Variants in XPO1 observed in about 807,000 individuals in gnomAD.
XPO1 encodes exportin-1.
In XPO1, 5 loss-of-function variants were observed where a neutral mutation model predicts 133.3. The ratio of observed to expected loss-of-function variants is 0.04; its 90% CI spans 0.02 to 0.08. The LOEUF (loss-of-function observed/expected upper bound fraction) is 0.08, where lower values mean the gene tolerates loss of function less well. Ranked by LOEUF, XPO1 falls within the 10% of genes least tolerant of loss-of-function variation. The probability of loss-of-function intolerance (pLI) is 1.00; values close to 1 mark genes in which losing one functional copy is unlikely to be tolerated. For missense variants in XPO1, 506 were observed against 1,267.5 expected (o/e 0.40, Z 9.12); for synonymous variants, 419 against 408.2 (o/e 1.03, Z -0.32).
At chr2:61,493,290 A>T (rs1300924722) in intron 12 of XPO1, 1 of 363,292 alleles carries the variant, frequency 2.8e-6, no homozygotes, top group African/African-American at 2.1e-5. Flanking sequence ...AACAATAAAA[A>T]TACTGGGGCT....
At chr2:61,484,473 A>T (rs1696574254) in intron 20 of XPO1, 1 of 178,782 alleles carries the variant, frequency 5.6e-6, no homozygotes, top group South Asian at 1.3e-4. Context: ...CGTATCTTTT[A>T]TCTCTTTTTT....
chr2:61,517,295 T>A (rs1341353208), intron 4 of XPO1, among the ~76,000 whole-genome samples: 4 of 152,158 alleles, frequency 2.6e-5, no homozygotes, highest in Non-Finnish European at 5.9e-5. Flanking sequence ...CCTTTAAGAC[T>A]TCAGTGATGG....
chr2:61,504,399 G>T (rs1697695376), intron 4 of XPO1, among the ~76,000 whole-genome samples: 1 of 152,130 alleles, frequency 6.6e-6, no homozygotes, highest in Non-Finnish European at 1.5e-5. Context: ...CACCTATATT[G>T]AAACACTAAA....
At chr2:61,494,168 T>G in intron 11 of XPO1, 77 bp from the exon 12 acceptor site, 1 of 1,290,286 alleles carries the variant, frequency 7.8e-7, no homozygotes, top group Non-Finnish European at 1.1e-6. Context: ...TGTTACACCT[T>G]AAGGGAAAAT....
chr2:61,536,000 T>C (rs1414935210), intron 1 of XPO1, among the ~76,000 whole-genome samples: 1 of 152,204 alleles, frequency 6.6e-6, no homozygotes, highest in African/African-American at 2.4e-5. Flanking sequence ...TGAACAAACT[T>C]TTCACCTATT....
At position 61,511,762 on chromosome 2, in the gene XPO1, CT is replaced by C. The variant is rs556975972; in HGVS notation, c.302-9453del. 1.3e-4 allele frequency among the ~76,000 whole-genome samples: 19 copies of C among 151,238 alleles called. No homozygotes were observed. In the South Asian group the frequency reaches 3.8e-3, roughly 30 times the overall value. On this transcript the variant is annotated intron_variant, in intron 4 of 24. Transcript: ENST00000401558. The stretch of plus-strand genomic sequence containing the variant: ...GCTTACAGATATTTCTTTTTCTTTT[CT>C]TTTTTTTCTTTTTGAGACGGAGCCT...
chr2:61,498,862 T>C lies in XPO1; in HGVS notation c.639+3A>G. ...TTTTAAAAATGAAATTAAAAACACTTACCATTACAAACTGACACAGTTGAA... is the reference window on the plus strand; with the variant it reads ...TTTTAAAAATGAAATTAAAAACACTCACCATTACAAACTGACACAGTTGAA... On this transcript the variant is annotated splice_donor_region_variant and intron_variant, in intron 8 of 24. Coordinates refer to ENST00000401558, the MANE Select transcript of XPO1 (RefSeq NM_003400.4). The C allele has an allele frequency of 6.2e-7, 1 of 1,605,596 alleles. No individual in the cohort carries two copies. Among genetic ancestry groups the C allele is most frequent in the East Asian group, 2.2e-5 (1 of 44,762 alleles).
intron 3 of XPO1, among the ~76,000 whole-genome samples, chr2:61,523,504 A>G (rs1213033894): frequency 2.0e-5 from 3 of 152,220 alleles, no homozygotes; most frequent in Non-Finnish European, 4.4e-5. Flanking sequence ...CTGAATTACT[A>G]TGACCAATTA....
At chr2:61,512,626 C>T (rs2104633858) in intron 4 of XPO1, among the ~76,000 whole-genome samples, 1 of 152,332 alleles carries the variant, frequency 6.6e-6, no homozygotes, top group East Asian at 1.9e-4. Context: ...TCTCCAAATG[C>T]ATCCACAGAT....
intron 20 of XPO1, 27 bp from the exon 21 acceptor site, chr2:61,484,132 A>G (rs1269414944): frequency 1.3e-6 from 2 of 1,583,580 alleles, no homozygotes; most frequent in Non-Finnish European, 1.7e-6. Context: ...GAAACAAAAT[A>G]ATGTTTCAGT....
At chr2:61,489,705 G>A (rs1490626791) in intron 17 of XPO1, among the ~76,000 whole-genome samples, 3 of 147,194 alleles carry the variant, frequency 2.0e-5, no homozygotes, top group East Asian at 2.2e-4. Context: ...ACAGGCGCCC[G>A]CCGCCACACT....
intron 4 of XPO1, among the ~76,000 whole-genome samples, chr2:61,520,107 C>G (rs1698616544): frequency 6.6e-6 from 1 of 151,914 alleles, no homozygotes; most frequent in South Asian, 2.1e-4. Context: ...CAATATGCAC[C>G]CCAGGTGAAC....
chr2:61,487,871 G>A (rs1278923848), intron 19 of XPO1, among the ~76,000 whole-genome samples: 1 of 152,082 alleles, frequency 6.6e-6, no homozygotes, highest in East Asian at 1.9e-4. Context: ...AACTGCACCG[G>A]TACTCCATTA....
chr2:61,483,719 T>C (rs1696528139), intron 21 of XPO1: 2 of 495,100 alleles, frequency 4.0e-6, no homozygotes, highest in Non-Finnish European at 7.1e-6. Context: ...AAACCAATTA[T>C]TACTAGGCCG....
Position 61,490,702 on chromosome 2 carries a change from T to C in XPO1, c.1962A>G (p.Ile654Met). Reference protein sequence around the residue: ...QTDQTVQEHLIEKYMLLPNQV... With the variant: ...QTDQTVQEHLMEKYMLLPNQV... ...GATTAGGGAGTAACATGTACTTTTCTATCAAGTGTTCTTGTACTGTTTGAT... is the reference window on the plus strand; with the variant it reads ...GATTAGGGAGTAACATGTACTTTTCCATCAAGTGTTCTTGTACTGTTTGAT... Residue 654 changes from isoleucine (I) to methionine (M), a missense_variant, in exon 17 of 25, where the codon ATA (isoleucine) becomes ATG (methionine). Transcript: ENST00000401558. The C allele has an allele frequency of 6.2e-7, 1 of 1,614,224 alleles. No individual in the cohort carries two copies.
intron 4 of XPO1, among the ~76,000 whole-genome samples, chr2:61,514,700 G>C (rs1243426314): frequency 1.3e-5 from 2 of 151,868 alleles, no homozygotes; most frequent in African/African-American, 4.8e-5. Flanking sequence ...TGTCAGCCGA[G>C]ATGTGAAACA....
At chr2:61,509,665 T>C (rs967354110) in intron 4 of XPO1, among the ~76,000 whole-genome samples, 1 of 152,136 alleles carries the variant, frequency 6.6e-6, no homozygotes, top group Non-Finnish European at 1.5e-5. Flanking sequence ...CATTGGGCTA[T>C]TTCAGTTTTG....
chr2:61,522,556 A>G, intron 4 of XPO1, 55 bp downstream of exon 4: 1 of 1,498,356 alleles, frequency 6.7e-7, no homozygotes, highest in Non-Finnish European at 9.3e-7. Context: ...AGTCAACTAC[A>G]ATAAAAATGC....
In XPO1 at chr2:61,478,682, CA is replaced by C; in HGVS notation, c.*137del. 1 of 828,520 alleles carries C rather than the reference CA, an allele frequency of 1.2e-6. No individual in the cohort carries two copies. The highest frequency in any genetic ancestry group is 1.7e-6 in the Non-Finnish European group (1 of 572,558). 51.3% of individuals were successfully genotyped at this position (828,520 alleles called of 1,614,324 possible). On this transcript the variant is annotated 3_prime_UTR_variant, in exon 25 of 25. Transcript: ENST00000401558. ...GATATTTCACAGAAAATTTCTTATA[CA>C]AAAAAACACATAAGAAAAAGGGCCA...
Sources: allele counts gnomAD v4.1 joint callset (sites outside exome capture counted in the v4.1 genomes callset), GRCh38; gene constraint gnomAD v4.1.1; transcripts MANE v1.5; gene names NCBI Gene and HGNC (gene_info 2026-07-23, HGNC 2026-07-21).